NLGN1: variants seen among roughly 807,000 people sequenced by gnomAD.
NLGN1 encodes the protein neuroligin 1.
Under a neutral mutation model 65.5 loss-of-function variants are expected in NLGN1, and 12 were observed. That is an observed-to-expected ratio of 0.18 (90% CI 0.12 to 0.30). The LOEUF (loss-of-function observed/expected upper bound fraction) is 0.30. Among genes scored for constraint, NLGN1 ranks in the 10% least tolerant of loss-of-function variants. The pLI is 1.00. For missense variants in NLGN1, 750 were observed against 1,007.1 expected, an observed-to-expected ratio of 0.74 and a Z score of 3.46; for synonymous variants, 350 against 359.5, an observed-to-expected ratio of 0.97 and a Z score of 0.30.
At chr3:173,942,423 T>C (rs188777859) in intron 4 of NLGN1, among the ~76,000 whole-genome samples, 1 of 152,182 alleles carries the variant, frequency 6.6e-6, no homozygotes, top group Non-Finnish European at 1.5e-5. Context: ...ACTGACCTAG[T>C]AGCCATTATA....
intron 4 of NLGN1, among the ~76,000 whole-genome samples, chr3:174,041,069 A>G (rs1732197149): frequency 6.6e-6 from 1 of 152,152 alleles, no homozygotes; most frequent in Admixed American, 6.5e-5. Context: ...GAAAAATACA[A>G]ACATACCTGT....
At position 173,544,191 on chromosome 3, in the gene NLGN1, C is replaced by CAAAAAG. The variant is rs199939430; in HGVS notation, c.-320-60076_-320-60071dup. 5.5e-3 allele frequency among the ~76,000 whole-genome samples: 821 copies of CAAAAAG among 148,290 alleles called. 11 individuals carry two copies. Among genetic ancestry groups the CAAAAAG allele is most frequent in the African/African-American group, 0.019 (779 of 40,134 alleles). ...TCATCATAAAGACATTGCCTTCTTCCAAAAAGAAAAAGAAAAAAAAGGAAG... is the reference window on the plus strand; with the variant it reads ...TCATCATAAAGACATTGCCTTCTTCCAAAAAGAAAAAGAAAAAGAAAAAAAAGGAAG... On this transcript the variant is annotated intron_variant, in intron 2 of 6. Transcript: ENST00000457714.
At chr3:173,818,538 C>T (rs902576093) in intron 4 of NLGN1, among the ~76,000 whole-genome samples, 13 of 152,102 alleles carry the variant, frequency 8.5e-5, no homozygotes, top group African/African-American at 3.1e-4. Context: ...AAACAGACCA[C>T]CCACAACCAA....
In NLGN1 at chr3:173,671,877, TAAGAA is replaced by T. The variant is rs1177386285; in HGVS notation, c.493+66788_493+66792del. ...TACTTCGTGCTCATAAGAATTCAAA[TAAGAA>T]AGGAATAGTTGGCCGGGCGTGGTGG... On this transcript the variant is annotated intron_variant, in intron 3 of 6. Coordinates refer to ENST00000457714, the Ensembl canonical transcript of NLGN1. Among the ~76,000 whole-genome samples the T allele has an allele frequency of 2.0e-5, 3 of 152,152 alleles. No homozygotes were observed. In the South Asian group the frequency reaches 6.2e-4, roughly 32 times the overall value.
At chr3:173,572,852 G>C (rs1278810581) in intron 2 of NLGN1, among the ~76,000 whole-genome samples, 2 of 152,078 alleles carry the variant, frequency 1.3e-5, no homozygotes, top group East Asian at 1.9e-4. Context: ...ACATAGTTCA[G>C]CTTCACCCAG....
intron 4 of NLGN1, among the ~76,000 whole-genome samples, chr3:174,253,245 A>G (rs565634610): frequency 9.8e-5 from 15 of 152,322 alleles, no homozygotes; most frequent in African/African-American, 2.9e-4. Context: ...TAATAACAAT[A>G]TGCTCTTTTT....
chr3:173,742,001 T>C (rs118101262), intron 3 of NLGN1, among the ~76,000 whole-genome samples: 2 of 152,156 alleles, frequency 1.3e-5, no homozygotes, highest in East Asian at 3.9e-4. Context: ...AAAACCAGTC[T>C]CACTCTAATT....
intron 4 of NLGN1, among the ~76,000 whole-genome samples, chr3:173,890,913 T>A (rs1735216577): frequency 6.6e-6 from 1 of 152,164 alleles, no homozygotes; most frequent in Non-Finnish European, 1.5e-5. Context: ...AATTAAGTGA[T>A]CTTGGAAAAA....
chr3:174,275,520 A>C (rs1169742476), exon 5 of NLGN1: 1 of 1,611,360 alleles, frequency 6.2e-7, no homozygotes, highest in Non-Finnish European at 8.5e-7. Context: ...GGAGCAATTC[A>C]ACCAAAGGTA....
intron 4 of NLGN1, among the ~76,000 whole-genome samples, chr3:174,212,410 A>G (rs929402834): frequency 3.9e-5 from 6 of 152,312 alleles, no homozygotes; most frequent in African/African-American, 1.2e-4. Flanking sequence ...CAGCCCAGAA[A>G]GGGGCTCCCA....
intron 3 of NLGN1, among the ~76,000 whole-genome samples, chr3:173,737,896 C>A (rs1276007244): frequency 6.6e-6 from 1 of 152,006 alleles, no homozygotes; most frequent in African/African-American, 2.4e-5. Context: ...ATTCCAACTT[C>A]TCTGCATCCT....
intron 4 of NLGN1, among the ~76,000 whole-genome samples, chr3:173,918,344 T>G (rs1741158554): frequency 6.6e-6 from 1 of 151,966 alleles, no homozygotes; most frequent in African/African-American, 2.4e-5. Flanking sequence ...AATTTTAAAA[T>G]GCATAGAATG....
intron 2 of NLGN1, among the ~76,000 whole-genome samples, chr3:173,553,702 G>A (rs1044034851): frequency 6.6e-6 from 1 of 152,232 alleles, no homozygotes; most frequent in Non-Finnish European, 1.5e-5. Flanking sequence ...AACTGTTTGA[G>A]TGAACATAAG....
Position 173,992,760 on chromosome 3 carries a change from A to G in NLGN1, c.646+184928A>G, listed in dbSNP as rs575239843. On this transcript the variant is annotated intron_variant, in intron 4 of 6. Coordinates refer to ENST00000457714, the Ensembl canonical transcript of NLGN1. ...CCAGAAAAGACAAGAAGATATTAAGAGCACACATATAGTCTATAAGTCTGT... is the reference window on the plus strand; with the variant it reads ...CCAGAAAAGACAAGAAGATATTAAGGGCACACATATAGTCTATAAGTCTGT... Among the ~76,000 whole-genome samples the G allele has an allele frequency of 2.6e-5, 4 of 152,358 alleles. No individual in the cohort carries two copies. The East Asian group carries it at 7.7e-4, about 29-fold the overall frequency.
At chr3:173,694,400 C>T (rs1765900767) in intron 3 of NLGN1, among the ~76,000 whole-genome samples, 1 of 152,062 alleles carries the variant, frequency 6.6e-6, no homozygotes, top group Admixed American at 6.6e-5. Context: ...GATAAAGGCC[C>T]ATTTAATGTT....
At chr3:174,076,084 A>G (rs183360369) in intron 4 of NLGN1, among the ~76,000 whole-genome samples, 46 of 152,284 alleles carry the variant, frequency 3.0e-4, no homozygotes, top group Middle Eastern at 6.8e-3. Flanking sequence ...TTATTTGTCA[A>G]ATATATGTGA....
At chr3:173,882,219 G>A (rs1733475960) in intron 4 of NLGN1, among the ~76,000 whole-genome samples, 1 of 152,134 alleles carries the variant, frequency 6.6e-6, no homozygotes, top group Non-Finnish European at 1.5e-5. Flanking sequence ...TCCAGGCTTT[G>A]CTGTTCCATT....
chr3:173,814,434 G>A (rs932607742), intron 4 of NLGN1, among the ~76,000 whole-genome samples: 18 of 152,172 alleles, frequency 1.2e-4, no homozygotes, highest in African/African-American at 3.9e-4. Context: ...GTCCTGTGGC[G>A]ACAGGTGCAG....
chr3:174,098,384 A>G (rs1281396203), intron 4 of NLGN1, among the ~76,000 whole-genome samples: 1 of 152,210 alleles, frequency 6.6e-6, no homozygotes, highest in South Asian at 2.1e-4. Context: ...TTTTCTTACT[A>G]TAATATGCAT....
Sources: allele counts gnomAD v4.1 joint callset (sites outside exome capture counted in the v4.1 genomes callset), GRCh38; gene constraint gnomAD v4.1.1; transcripts MANE v1.5; gene names NCBI Gene and HGNC (gene_info 2026-07-23, HGNC 2026-07-21).